The following HIVEP3 variants were observed in gnomAD, a reference collection of about 807,000 sequenced individuals.
The protein encoded by HIVEP3 is HIVEP zinc finger 3, also known as transcription factor HIVEP3.
In HIVEP3, 49 loss-of-function variants were observed where a neutral mutation model predicts 152.8. That is an observed-to-expected ratio of 0.32 (90% CI 0.26 to 0.41). The LOEUF is 0.41. Ranked by LOEUF, HIVEP3 falls within the 10% of genes least tolerant of loss-of-function variation. The pLI, the probability that HIVEP3 is intolerant of heterozygous loss-of-function variation, is 1.00. For missense variants in HIVEP3, 2,790 were observed against 3,103.3 expected (o/e 0.90, Z 2.40); for synonymous variants, 1,269 against 1,289.0 (o/e 0.98, Z 0.33).
chr1:41,865,960 G>A (rs143952435), intron 1 of HIVEP3, among the ~76,000 whole-genome samples: 116 of 152,298 alleles, frequency 7.6e-4, no homozygotes, highest in African/African-American at 2.7e-3. Context: ...AGGCTTTTAT[G>A]GTAGAAGGGA....
At chr1:41,576,962 C>T (rs6689038) in intron 4 of HIVEP3, among the ~76,000 whole-genome samples, 41,474 of 152,076 alleles carry the variant, frequency 0.27, 6,038 homozygotes, top group East Asian at 0.46. Flanking sequence ...AGCTAGTTTT[C>T]TGCAATACCC....
At chr1:42,019,223 C>A (rs1001999161) in intron 1 of HIVEP3, among the ~76,000 whole-genome samples, 1 of 151,946 alleles carries the variant, frequency 6.6e-6, no homozygotes, top group African/African-American at 2.4e-5. Context: ...TGGCTTAACT[C>A]GGCCCTTTTC....
At chr1:41,698,929 A>G (rs947687742) in intron 2 of HIVEP3, among the ~76,000 whole-genome samples, 2 of 152,152 alleles carry the variant, frequency 1.3e-5, no homozygotes, top group African/African-American at 2.4e-5. Context: ...TTGGGCCCCC[A>G]GTGTCCACCA....
intron 1 of HIVEP3, among the ~76,000 whole-genome samples, chr1:41,825,090 T>C (rs143213627): frequency 6.6e-6 from 1 of 152,030 alleles, no homozygotes; most frequent in Admixed American, 6.6e-5. Flanking sequence ...TTCACCTGGG[T>C]GCAGGCGGGC....
At chr1:41,693,861 C>T (rs1448941055) in intron 2 of HIVEP3, among the ~76,000 whole-genome samples, 1 of 152,192 alleles carries the variant, frequency 6.6e-6, no homozygotes, top group Admixed American at 6.5e-5. Context: ...ACAAATAGCT[C>T]GTTGGTTGTC....
rs755309824 is a variant in HIVEP3, at chr1:41,580,642, C to G, written c.4156G>C (p.Glu1386Gln). The G allele has an allele frequency of 3.1e-6, 5 of 1,614,094 alleles. No homozygotes were observed. The highest frequency in any genetic ancestry group is 4.2e-6 in the Non-Finnish European group (5 of 1,180,028). Residue 1386 changes from glutamate to glutamine, a missense_variant, in exon 4 of 9, where the codon GAG becomes CAG. Around this residue, in one of 9 missense-constraint regions of HIVEP3, gnomAD observed 1,078 missense variants for 1,165.3 expected, o/e 0.93. Transcript: ENST00000372583. The stretch of plus-strand genomic sequence containing the variant: ...GGAGTTGGGAAAGCTCTGCTTTGCT[C>G]TTCACTTAACCCAGAAGGGCCGGGC... ...VGPGPSGLSE[E>Q]QSRAFPTPYL...
At chr1:41,896,910 T>C (rs552537970) in intron 1 of HIVEP3, among the ~76,000 whole-genome samples, 1 of 152,312 alleles carries the variant, frequency 6.6e-6, no homozygotes, top group South Asian at 2.1e-4. Flanking sequence ...TTCTCCTGTC[T>C]CAAAGAGGTC....
chr1:41,793,321 G>A (rs1219911119), intron 1 of HIVEP3, among the ~76,000 whole-genome samples: 1 of 152,212 alleles, frequency 6.6e-6, no homozygotes, highest in East Asian at 1.9e-4. Flanking sequence ...AGTGGCTCAA[G>A]CCTGGTTCTC....
intron 1 of HIVEP3, among the ~76,000 whole-genome samples, chr1:41,734,745 C>CGGGGCAGGACGGCAGTTGAGGACT (rs1553254266): frequency 6.6e-6 from 1 of 152,118 alleles, no homozygotes; most frequent in East Asian, 1.9e-4. Context: ...CAGCCAGCCC[C>CGGGGCAGGACGGCAGTTGAGGACT]GGGGCAGGAC....
chr1:41,544,383 A>T (rs1198865467), intron 5 of HIVEP3: 1 of 151,988 alleles, frequency 6.6e-6, no homozygotes, highest in Admixed American at 6.6e-5. Context: ...GCCTGAGGTC[A>T]CACAACCAGT....
intron 1 of HIVEP3, among the ~76,000 whole-genome samples, chr1:41,858,091 A>G (rs1358877505): frequency 6.6e-6 from 1 of 152,164 alleles, no homozygotes; most frequent in Non-Finnish European, 1.5e-5. Context: ...ATTTTTGAAT[A>G]GTTTTAAAAA....
At chr1:41,518,527 C>A in intron 6 of HIVEP3, 39 bp from the exon 7 acceptor site, 1 of 1,571,690 alleles carries the variant, frequency 6.4e-7, no homozygotes, top group Non-Finnish European at 8.8e-7. Context: ...TGCTATGGGG[C>A]AGGAGGCCAG....
chr1:41,527,673 A>C (rs1181601876), intron 5 of HIVEP3, among the ~76,000 whole-genome samples: 1 of 111,130 alleles, frequency 9.0e-6, no homozygotes. Flanking sequence ...ACACATTCAC[A>C]CATCCCACCC....
chr1:41,654,546 T>G (rs374039195), intron 2 of HIVEP3, among the ~76,000 whole-genome samples: 1 of 152,234 alleles, frequency 6.6e-6, no homozygotes, highest in Non-Finnish European at 1.5e-5. Context: ...TAGCTTCTAC[T>G]CAGTTTCCTT....
intron 5 of HIVEP3, among the ~76,000 whole-genome samples, chr1:41,553,819 T>C (rs1643925485): frequency 6.6e-6 from 1 of 152,266 alleles, no homozygotes; most frequent in South Asian, 2.1e-4. Flanking sequence ...TGTTGAATAT[T>C]GGCCCCCACT....
In HIVEP3 at chr1:41,712,948, G is replaced by C. The variant is rs1025448679; in HGVS notation, c.-800-11953C>G. Among the ~76,000 whole-genome samples, 101 of 152,212 alleles carry C rather than the reference G, an allele frequency of 6.6e-4. 1 individual carries two copies. The highest frequency in any genetic ancestry group is 2.5e-4 in the Non-Finnish European group (17 of 68,032). ...CCTCCTGACACAGCGGGGCAGGCTT[G>C]TCCTTCCCTCTGCCACCTCCCACCG... On this transcript the variant is annotated intron_variant, in intron 1 of 8. Transcript: ENST00000372583.
chr1:41,667,860 A>G (rs550900235), intron 2 of HIVEP3, among the ~76,000 whole-genome samples: 13 of 152,336 alleles, frequency 8.5e-5, no homozygotes, highest in African/African-American at 3.1e-4. Context: ...GTCACTCAAT[A>G]AAGAAGCCCC....
In HIVEP3 at chr1:41,581,506, G is replaced by C. The variant is rs765578873; in HGVS notation, c.3292C>G (p.Pro1098Ala). The change falls in exon 4 of 9, where the codon CCC becomes GCC. Residue 1098 changes from proline to alanine, a missense_variant. This residue lies in a region of HIVEP3 where 1,078 missense variants were observed against 1,165.3 expected (regional missense o/e 0.93). Coordinates refer to ENST00000372583, the MANE Select transcript of HIVEP3 (RefSeq NM_024503.5). This position sits in a 1 kb window ranked among gnomAD's most constrained non-coding sequence, Gnocchi z 4.5. The part of the protein sequence containing the change: ...ISSAATSHGG[P>A]PGGKGPGQDR... Reference sequence around the variant, plus strand: ...TGCCCTGGGCCCTTGCCTCCCGGGGGTCCACCATGTGAGGTGGCCGCAGAG... The same window carrying C: ...TGCCCTGGGCCCTTGCCTCCCGGGGCTCCACCATGTGAGGTGGCCGCAGAG... 1 of 1,580,104 alleles carries C rather than the reference G, an allele frequency of 6.3e-7. No homozygotes were observed. Among genetic ancestry groups the C allele is most frequent in the Admixed American group, 1.8e-5 (1 of 56,558 alleles).
chr1:42,017,836 A>G (rs1645532649), intron 1 of HIVEP3, among the ~76,000 whole-genome samples: 2 of 152,134 alleles, frequency 1.3e-5, no homozygotes, highest in Non-Finnish European at 2.9e-5. Flanking sequence ...GATACTGCCC[A>G]GTAGATACTG....
Sources: gnomAD v4.1 joint callset for allele counts (sites outside exome capture counted in the v4.1 genomes callset) on GRCh38, gnomAD v4.1.1 for gene constraint, gnomAD v4.1.1 regional missense constraint, Gnocchi (gnomAD v3.1) non-coding constraint, MANE v1.5 for transcripts, NCBI Gene and HGNC (gene_info 2026-07-23, HGNC 2026-07-21) for gene names.